The following UBA6 variants were observed in gnomAD, a reference collection of about 807,000 sequenced individuals.
UBA6 encodes the protein ubiquitin like modifier activating enzyme 6.
In UBA6, 87 loss-of-function variants were observed where a neutral mutation model predicts 148.3. That is an observed-to-expected ratio of 0.59 (90% CI 0.49 to 0.70). The LOEUF (loss-of-function observed/expected upper bound fraction) is 0.70. Among genes scored for constraint, UBA6 ranks in the 30% least tolerant of loss-of-function variants. The pLI, the probability that UBA6 is intolerant of heterozygous loss-of-function variation, is 0.00. For synonymous variants in UBA6, 376 were observed against 401.0 expected (o/e 0.94, Z 0.75); for missense variants, 1,186 against 1,241.2 (o/e 0.96, Z 0.67).
At chr4:67,636,382 T>C (rs354869) in intron 19 of UBA6, among the ~76,000 whole-genome samples, 136,534 of 151,958 alleles carry the variant, frequency 0.9, 61,464 homozygotes, top group East Asian at 0.99. Context: ...CTCCCTCTCC[T>C]GCTCCCGCTC....
intron 9 of UBA6, among the ~76,000 whole-genome samples, chr4:67,668,289 C>T (rs1730057877): frequency 6.6e-6 from 1 of 152,168 alleles, no homozygotes; most frequent in Non-Finnish European, 1.5e-5. Flanking sequence ...ATGCAACCTT[C>T]ACATTTTAAT....
intron 6 of UBA6, among the ~76,000 whole-genome samples, chr4:67,674,537 G>A (rs532074694): frequency 2.0e-5 from 3 of 152,246 alleles, no homozygotes; most frequent in African/African-American, 7.2e-5. Flanking sequence ...GGGGACGGGG[G>A]CGAGGAAGAA....
At chr4:67,699,803 A>G (rs1432697913) in intron 1 of UBA6, among the ~76,000 whole-genome samples, 1 of 152,024 alleles carries the variant, frequency 6.6e-6, no homozygotes. Flanking sequence ...CGGTTTCGCC[A>G]TGTTGCCCAG....
At chr4:67,637,456 C>T (rs1012254940) in intron 19 of UBA6, among the ~76,000 whole-genome samples, 22 of 152,134 alleles carry the variant, frequency 1.4e-4, no homozygotes, top group African/African-American at 4.3e-4. Flanking sequence ...TCATTGAGAA[C>T]GGGCCATGAT....
chr4:67,664,853 T>C (rs756376562), intron 10 of UBA6, among the ~76,000 whole-genome samples: 2 of 152,048 alleles, frequency 1.3e-5, no homozygotes, highest in South Asian at 4.1e-4. Flanking sequence ...ATTAGTTTTA[T>C]TTCTTGTCTT....
intron 9 of UBA6, among the ~76,000 whole-genome samples, chr4:67,667,931 C>T (rs1730048771): frequency 6.6e-6 from 1 of 152,158 alleles, no homozygotes; most frequent in Admixed American, 6.5e-5. Flanking sequence ...TTTATTCAAG[C>T]CACTGAAAAA....
chr4:67,673,715 A>G lies in UBA6; in HGVS notation c.528T>C (p.Ser176=). 1 of 1,611,206 alleles carries G rather than the reference A, an allele frequency of 6.2e-7. No homozygotes were observed. Among genetic ancestry groups the G allele is most frequent in the Non-Finnish European group, 8.5e-7 (1 of 1,177,932 alleles). Residue 176 remains serine, a synonymous_variant, in exon 7 of 33, where the codon TCT becomes TCC. Transcript: ENST00000322244. ...CAATTACCTTAATTGGAGGGCACTG[A>G]GAACGGCAAAAGTCATTGATCTTCT... ...LQKKINDFCR[S]QCPPIKFISA...
At chr4:67,667,709 C>T (rs779520164) in intron 9 of UBA6, among the ~76,000 whole-genome samples, 10 of 152,094 alleles carry the variant, frequency 6.6e-5, no homozygotes, top group Non-Finnish European at 1.2e-4. Flanking sequence ...CACAGATTAA[C>T]GCTGCTATAA....
chr4:67,651,930 C>T (rs1019804590), intron 13 of UBA6, among the ~76,000 whole-genome samples: 1 of 152,110 alleles, frequency 6.6e-6, no homozygotes, highest in Non-Finnish European at 1.5e-5. Context: ...TAAAGACAAA[C>T]TCATAAAACT....
intron 32 of UBA6, among the ~76,000 whole-genome samples, chr4:67,622,567 A>T (rs532623047): frequency 2.0e-5 from 3 of 152,344 alleles, no homozygotes; most frequent in Non-Finnish European, 4.4e-5. Context: ...CCTGGTCATT[A>T]AGTGTCTCAA....
chr4:67,693,293 TTTTA>T (rs1730738993), intron 2 of UBA6, among the ~76,000 whole-genome samples: 1 of 151,968 alleles, frequency 6.6e-6, no homozygotes, highest in Non-Finnish European at 1.5e-5. Context: ...TTTCTTAACA[TTTTA>T]TTTTCTCTAG....
intron 19 of UBA6, among the ~76,000 whole-genome samples, chr4:67,636,595 T>C (rs1051159643): frequency 2.6e-5 from 4 of 152,212 alleles, no homozygotes; most frequent in Admixed American, 1.3e-4. Flanking sequence ...GGTTTTGCAG[T>C]GTTGGCCGGG....
At chr4:67,695,790 A>C (rs1730818337) in intron 2 of UBA6, among the ~76,000 whole-genome samples, 2 of 152,310 alleles carry the variant, frequency 1.3e-5, no homozygotes, top group East Asian at 1.9e-4. Context: ...TTAGTCTTCT[A>C]TCTCTTTTCC....
chr4:67,626,857 T>C (rs1728881290), intron 27 of UBA6, among the ~76,000 whole-genome samples: 1 of 151,978 alleles, frequency 6.6e-6, no homozygotes, highest in East Asian at 1.9e-4. Context: ...AATTCCACAC[T>C]AGAATAAAAT....
chr4:67,673,414 T>A (rs1172284967), intron 7 of UBA6, among the ~76,000 whole-genome samples: 2 of 129,136 alleles, frequency 1.5e-5, no homozygotes, highest in African/African-American at 6.1e-5. Context: ...AGACTCTGTC[T>A]CGGGAAAAAA....
At chr4:67,641,947 A>T (rs1384802419) in intron 17 of UBA6, among the ~76,000 whole-genome samples, 2 of 152,156 alleles carry the variant, frequency 1.3e-5, no homozygotes, top group Non-Finnish European at 2.9e-5. Context: ...AGCATTTTTA[A>T]ACAAGATTTG....
intron 2 of UBA6, among the ~76,000 whole-genome samples, chr4:67,688,945 T>C (rs888470261): frequency 6.6e-6 from 1 of 152,048 alleles, no homozygotes; most frequent in Non-Finnish European, 1.5e-5. Flanking sequence ...AAAACAATAC[T>C]GGATATTTAC....
intron 6 of UBA6, among the ~76,000 whole-genome samples, chr4:67,675,220 T>G (rs944151169): frequency 6.6e-6 from 1 of 152,250 alleles, no homozygotes; most frequent in African/African-American, 2.4e-5. Flanking sequence ...TTATTCCAGC[T>G]ATATCTATTC....
rs1479242276 is a variant in UBA6, at chr4:67,634,449, T to A, written c.1912A>T (p.Ile638Leu). 6 of 1,587,558 alleles carry A rather than the reference T, an allele frequency of 3.8e-6. No homozygotes were observed. The highest frequency in any genetic ancestry group is 5.1e-6 in the Non-Finnish European group (6 of 1,173,188). Residue 638 changes from isoleucine (I) to leucine (L), a missense_variant, in exon 21 of 33, where the codon ATA (isoleucine) becomes TTA (leucine). Transcript: ENST00000322244. Reference sequence around the variant, plus strand: ...TTTACCTTATCTCTTGCCCACTGTATGGTATGTTCAATAGCAGCTGGAAAG... The same window carrying A: ...TTTACCTTATCTCTTGCCCACTGTAAGGTATGTTCAATAGCAGCTGGAAAG... Reference protein sequence around the residue: ...KSFPAAIEHTIQWARDKFESS... With the variant: ...KSFPAAIEHTLQWARDKFESS...
Sources: gnomAD v4.1 joint callset for allele counts (sites outside exome capture counted in the v4.1 genomes callset) on GRCh38, gnomAD v4.1.1 for gene constraint, MANE v1.5 for transcripts, NCBI Gene and HGNC (gene_info 2026-07-23, HGNC 2026-07-21) for gene names.